WTAP: variants seen among roughly 807,000 people sequenced by gnomAD.
WTAP encodes pre-mRNA-splicing regulator WTAP.
A neutral mutation model predicts 50.0 loss-of-function variants in WTAP; 8 were observed. That is an observed-to-expected ratio of 0.16 (90% CI 0.09 to 0.29). The LOEUF is 0.29. Ranked by LOEUF, WTAP falls within the 10% of genes least tolerant of loss-of-function variation. The pLI is 1.00. For synonymous variants in WTAP, 194 were observed against 169.0 expected (o/e 1.15, Z -1.15); for missense variants, 295 against 470.7 (o/e 0.63, Z 3.45).
intron 2 of WTAP, 47 bp from the exon 3 acceptor site, chr6:159,738,941 TTG>T (rs1204724112): frequency 2.8e-6 from 4 of 1,434,646 alleles, no homozygotes; most frequent in South Asian, 1.2e-5. Context: ...TTATAGAACT[TTG>T]TGTCTTCAGG....
At chr6:159,741,679 A>G (rs1291957770) in intron 3 of WTAP, 8 of 164,316 alleles carry the variant, frequency 4.9e-5, no homozygotes, top group East Asian at 1.9e-4. Flanking sequence ...ATGAGGGACT[A>G]TTTTATGATC....
At chr6:159,732,557 G>C (rs563866848) in intron 1 of WTAP, among the ~76,000 whole-genome samples, 1 of 152,276 alleles carries the variant, frequency 6.6e-6, no homozygotes, top group African/African-American at 2.4e-5. Context: ...ATTATTGGCC[G>C]GGCGCAGTAG....
At chr6:159,744,339 G>A (rs953325314) in intron 5 of WTAP, among the ~76,000 whole-genome samples, 2 of 152,014 alleles carry the variant, frequency 1.3e-5, no homozygotes, top group Non-Finnish European at 2.9e-5. Context: ...TCAATCTTAC[G>A]GTGTAATTAT....
intron 3 of WTAP, chr6:159,741,821 C>G: frequency 3.4e-6 from 1 of 293,722 alleles, no homozygotes; most frequent in Non-Finnish European, 6.4e-6. Flanking sequence ...GACCCCATCT[C>G]TACAAAAAAA....
At chr6:159,735,311 T>G (rs1778839320) in intron 1 of WTAP, among the ~76,000 whole-genome samples, 1 of 152,158 alleles carries the variant, frequency 6.6e-6, no homozygotes, top group Non-Finnish European at 1.5e-5. Context: ...GCTAATTTTT[T>G]TAATTTTTTG....
chr6:159,736,909 T>C (rs865776201), intron 2 of WTAP, among the ~76,000 whole-genome samples: 6 of 152,214 alleles, frequency 3.9e-5, no homozygotes, highest in South Asian at 2.1e-4. Flanking sequence ...TTGGGAAAGC[T>C]TACTAAACTT....
chr6:159,734,752 A>G (rs1778801208), intron 1 of WTAP, among the ~76,000 whole-genome samples: 1 of 152,262 alleles, frequency 6.6e-6, no homozygotes, highest in African/African-American at 2.4e-5. Context: ...TCAAAAGAGC[A>G]CTGGTACTCA....
chr6:159,752,512 G>T (rs1249049763), intron 6 of WTAP, among the ~76,000 whole-genome samples: 1 of 152,168 alleles, frequency 6.6e-6, no homozygotes. Context: ...TCAGTAGTAT[G>T]TTGCACTAGC....
chr6:159,749,141 G>A (rs1779730410), intron 6 of WTAP: 1 of 986,020 alleles, frequency 1.0e-6, no homozygotes, highest in Non-Finnish European at 1.2e-6. Flanking sequence ...TAATCTTACT[G>A]AGGACTGTAC....
chr6:159,729,803 C>T (rs6929102), intron 1 of WTAP, among the ~76,000 whole-genome samples: 6,848 of 152,190 alleles, frequency 0.045, 502 homozygotes, highest in African/African-American at 0.16. Context: ...ATGATTTGTT[C>T]GCCAAGGTAC....
intron 5 of WTAP, among the ~76,000 whole-genome samples, chr6:159,747,653 G>C (rs567054041): frequency 6.6e-6 from 1 of 152,246 alleles, no homozygotes; most frequent in South Asian, 2.1e-4. Context: ...ACTTTACATA[G>C]AATAATTTCC....
intron 3 of WTAP, 107 bp downstream of exon 3, chr6:159,739,152 C>A (rs1167900788): frequency 2.3e-6 from 2 of 885,038 alleles, no homozygotes; most frequent in Non-Finnish European, 3.4e-6. Context: ...GTTGTTCTAT[C>A]CTCAAATAAT....
rs111932299 is a variant in WTAP at position 159,738,878 on chromosome 6, A to G, written c.31-112A>G. The G allele has an allele frequency of 1.0e-5, 7 of 696,424 alleles. 1 individual carries two copies. The highest frequency in any genetic ancestry group is 3.7e-5 in the African/African-American group (2 of 54,144). 43.1% of individuals were successfully genotyped at this position (696,424 alleles called of 1,614,324 possible). ...TAAAATACTTTTTCAAAAAATCATA[A>G]TATGTACTGAGCCGTTTAAATCTCA... On this transcript the variant is annotated intron_variant, in intron 2 of 7. Transcript: ENST00000621533.
intron 7 of WTAP, among the ~76,000 whole-genome samples, chr6:159,754,047 G>T (rs1779916967): frequency 6.6e-6 from 1 of 152,188 alleles, no homozygotes; most frequent in Non-Finnish European, 1.5e-5. Flanking sequence ...GTGAATAAGA[G>T]ATTTAATCTT....
Position 159,727,588 on chromosome 6 carries a change from G to A in WTAP, c.-124G>A, listed in dbSNP as rs1044402167. The A allele has an allele frequency of 2.0e-6, 2 of 987,030 alleles. No homozygotes were observed. Among genetic ancestry groups the A allele is most frequent in the Non-Finnish European group, 2.4e-6 (2 of 831,162 alleles). The allele number at this position is 987,030 out of a possible 1,614,324, so 61.1% of individuals were successfully genotyped here. On this transcript the variant is annotated 5_prime_UTR_variant, in exon 1 of 8. Transcript: ENST00000621533. Reference sequence around the variant, plus strand: ...TGCGGCGGGACTAGGAGCGCGGCGGGGCCGGCGGCAGAGCTGTCCGGCTGC... The same window carrying A: ...TGCGGCGGGACTAGGAGCGCGGCGGAGCCGGCGGCAGAGCTGTCCGGCTGC...
chr6:159,735,580 C>T (rs1278888607), intron 1 of WTAP, among the ~76,000 whole-genome samples: 1 of 152,098 alleles, frequency 6.6e-6, no homozygotes, highest in African/African-American at 2.4e-5. Context: ...GAAACCCCGT[C>T]TCTACTAAAA....
At position 159,731,180 on chromosome 6, in the gene WTAP, G is replaced by A. The variant is rs1432868985; in HGVS notation, c.-9+3477G>A. Among the ~76,000 whole-genome samples, 4 of 151,494 alleles carry A rather than the reference G, an allele frequency of 2.6e-5. No individual in the cohort carries two copies. In the East Asian group the frequency reaches 7.8e-4, roughly 29 times the overall value. ...AAGAAAAGAAATTTCAATAATTGCA[G>A]GCTGGGCATGGTGGCTCACAACTGT... is the stretch of plus-strand genomic sequence containing the variant. On this transcript the variant is annotated intron_variant, in intron 1 of 7. Coordinates refer to ENST00000621533, the MANE Select transcript of WTAP (RefSeq NM_001270531.2).
At chr6:159,734,505 G>A (rs977276877) in intron 1 of WTAP, among the ~76,000 whole-genome samples, 1 of 152,048 alleles carries the variant, frequency 6.6e-6, no homozygotes, top group Non-Finnish European at 1.5e-5. Flanking sequence ...AGATTCATGA[G>A]TATACTATTA....
At chr6:159,728,988 GT>G (rs1486931802) in intron 1 of WTAP, among the ~76,000 whole-genome samples, 1 of 152,168 alleles carries the variant, frequency 6.6e-6, no homozygotes, top group Non-Finnish European at 1.5e-5. Context: ...GCTCTTTTAT[GT>G]CTAGCTTTTC....
Sources: allele counts gnomAD v4.1 joint callset (sites outside exome capture counted in the v4.1 genomes callset), GRCh38; gene constraint gnomAD v4.1.1; transcripts MANE v1.5; gene names NCBI Gene and HGNC (gene_info 2026-07-23, HGNC 2026-07-21).